Variants in UBXN4 observed in about 807,000 individuals in gnomAD.
UBXN4 encodes UBX domain-containing protein 4.
A neutral mutation model predicts 66.2 loss-of-function variants in UBXN4; 35 were observed. That is an observed-to-expected ratio of 0.53 (90% CI 0.40 to 0.70). The LOEUF (loss-of-function observed/expected upper bound fraction) is 0.70, where lower values mean the gene tolerates loss of function less well. Ranked by LOEUF, UBXN4 falls within the 30% of genes least tolerant of loss-of-function variation. The pLI is 0.00. For synonymous variants in UBXN4, 203 were observed against 204.5 expected (o/e 0.99, Z 0.06); for missense variants, 533 against 599.8 (o/e 0.89, Z 1.16).
At chr2:135,769,708 A>G (rs2105504466) in intron 6 of UBXN4, 61 bp from the exon 7 acceptor site, 1 of 1,243,692 alleles carries the variant, frequency 8.0e-7, no homozygotes, top group Non-Finnish European at 1.1e-6. Flanking sequence ...CATCTCCTAA[A>G]TGTGTTTTAT....
intron 1 of UBXN4, chr2:135,747,751 C>T: frequency 4.4e-6 from 2 of 453,334 alleles, no homozygotes; most frequent in Non-Finnish European, 8.9e-6. Flanking sequence ...TCTCCTGCCT[C>T]AGCCTCCTAT....
intron 5 of UBXN4, among the ~76,000 whole-genome samples, chr2:135,757,760 TCA>T (rs1307785087): frequency 6.6e-6 from 1 of 152,002 alleles, no homozygotes; most frequent in Non-Finnish European, 1.5e-5. Flanking sequence ...AGCTCTAATC[TCA>T]GTTTTTTTTT....
chr2:135,780,047 GAT>G (rs2077440304), intron 11 of UBXN4, 134 bp from the exon 12 acceptor site: 1 of 713,824 alleles, frequency 1.4e-6, no homozygotes, highest in Non-Finnish European at 2.3e-6. Context: ...AACAGCAAAA[GAT>G]ATCATTTTAC....
At chr2:135,776,504 T>G (rs2077415652) in intron 10 of UBXN4, among the ~76,000 whole-genome samples, 153 bp downstream of exon 10, 1 of 152,232 alleles carries the variant, frequency 6.6e-6, no homozygotes, top group Non-Finnish European at 1.5e-5. Flanking sequence ...GGAAATTCTG[T>G]CGGGTGTTAG....
intron 12 of UBXN4, 63 bp downstream of exon 12, chr2:135,780,448 T>C: frequency 6.5e-7 from 1 of 1,528,148 alleles, no homozygotes; most frequent in South Asian, 1.1e-5. Flanking sequence ...CTTTTTTAAG[T>C]AAAAAGTTGA....
rs2077377602 is a variant in UBXN4, at chr2:135,770,554, CTT to C, written c.658-13_658-12del. On this transcript the variant is annotated splice_polypyrimidine_tract_variant and intron_variant, in intron 7 of 12. Coordinates refer to ENST00000272638, the MANE Select transcript of UBXN4 (RefSeq NM_014607.4). ...ATTATCAAGTTTTTGGATCATAAAACTTTTTCTTTAATTCAGAGAGAAATTAA... is the reference window on the plus strand; with the variant it reads ...ATTATCAAGTTTTTGGATCATAAAACTTTCTTTAATTCAGAGAGAAATTAA... 2.1e-6 allele frequency: 3 copies of C among 1,417,856 alleles called. No individual in the cohort carries two copies. Among genetic ancestry groups the C allele is most frequent in the Non-Finnish European group, 2.8e-6 (3 of 1,075,218 alleles). 87.8% of individuals were successfully genotyped at this position (1,417,856 alleles called of 1,614,324 possible).
intron 3 of UBXN4, 50 bp downstream of exon 3, chr2:135,753,617 C>T (rs2077260361): frequency 2.2e-6 from 3 of 1,358,600 alleles, no homozygotes; most frequent in South Asian, 3.3e-5. Context: ...ATTTACCTTC[C>T]TTTTGGTTAA....
chr2:135,761,991 TA>T, intron 6 of UBXN4, 80 bp downstream of exon 6: 1 of 1,377,682 alleles, frequency 7.3e-7, no homozygotes, highest in Non-Finnish European at 1.0e-6. Context: ...GAATTAAAGC[TA>T]AAGTTATACA....
At position 135,784,584 on chromosome 2, in the gene UBXN4, C is replaced by G. The variant is rs2077471900; in HGVS notation, c.*1697C>G. 1 of 152,522 alleles carries G rather than the reference C, an allele frequency of 6.6e-6. No individual in the cohort carries two copies. The highest frequency in any genetic ancestry group is 1.5e-5 in the Non-Finnish European group (1 of 68,010). The allele number at this position is 152,522 out of a possible 1,614,324, so 9.4% of individuals were successfully genotyped here. ...TTCAGCAGTGATATTATTTCCATAA[C>G]TTAAAAAGTGAGTTTGAAAAAGAAA... On this transcript the variant is annotated 3_prime_UTR_variant, in exon 13 of 13. Coordinates refer to ENST00000272638, the MANE Select transcript of UBXN4 (RefSeq NM_014607.4).
At chr2:135,759,633 T>A in intron 5 of UBXN4, among the ~76,000 whole-genome samples, 1 of 152,184 alleles carries the variant, frequency 6.6e-6, no homozygotes, top group African/African-American at 2.4e-5. Context: ...TGTATATTTC[T>A]CTCAGGAGAT....
intron 11 of UBXN4, 69 bp from the exon 12 acceptor site, chr2:135,780,114 T>C (rs2077440547): frequency 6.7e-7 from 1 of 1,494,104 alleles, no homozygotes; most frequent in Non-Finnish European, 9.2e-7. Flanking sequence ...AAAAGTTTCA[T>C]CTGGAACCTT....
At chr2:135,775,200 T>C (rs1025306815) in intron 9 of UBXN4, among the ~76,000 whole-genome samples, 2 of 152,184 alleles carry the variant, frequency 1.3e-5, no homozygotes, top group African/African-American at 4.8e-5. Context: ...ACTGGTGGGA[T>C]TGTAAAATGA....
At chr2:135,769,191 A>T (rs536981079) in intron 6 of UBXN4, among the ~76,000 whole-genome samples, 2 of 152,180 alleles carry the variant, frequency 1.3e-5, no homozygotes, top group African/African-American at 4.8e-5. Flanking sequence ...CTGTAGAGAC[A>T]GAGTTTTGCC....
intron 10 of UBXN4, 98 bp from the exon 11 acceptor site, chr2:135,778,850 A>C: frequency 7.7e-7 from 1 of 1,303,992 alleles, no homozygotes; most frequent in South Asian, 2.0e-5. Flanking sequence ...TGAACTTTTA[A>C]AATTAAGGCA....
At chr2:135,766,153 CAAAAAA>C (rs111265108) in intron 6 of UBXN4, among the ~76,000 whole-genome samples, 1 of 121,320 alleles carries the variant, frequency 8.2e-6, no homozygotes, top group Non-Finnish European at 1.8e-5. Context: ...AAAGCCATCT[CAAAAAA>C]AAAAAAAAGT....
intron 6 of UBXN4, among the ~76,000 whole-genome samples, chr2:135,767,539 T>C (rs1460445414): frequency 6.6e-6 from 1 of 152,206 alleles, no homozygotes; most frequent in Non-Finnish European, 1.5e-5. Flanking sequence ...GTGTTTGATC[T>C]CCTTTGTTCA....
At chr2:135,778,234 C>T (rs1259101960) in intron 10 of UBXN4, among the ~76,000 whole-genome samples, 10 of 148,608 alleles carry the variant, frequency 6.7e-5, no homozygotes, top group African/African-American at 2.5e-4. Context: ...GTACAGTTAT[C>T]AAGTTTTGTA....
intron 1 of UBXN4, among the ~76,000 whole-genome samples, chr2:135,746,148 C>T (rs898108079): frequency 2.0e-5 from 3 of 152,000 alleles, no homozygotes; most frequent in African/African-American, 2.4e-5. Flanking sequence ...AGTGAGCCAC[C>T]GTGCCCGACC....
intron 1 of UBXN4, chr2:135,748,009 T>C: frequency 2.8e-6 from 1 of 352,098 alleles, no homozygotes; most frequent in Non-Finnish European, 5.2e-6. Context: ...ACTTTGCGCA[T>C]CATAATTTAG....
Sources: gnomAD v4.1 joint callset for allele counts (sites outside exome capture counted in the v4.1 genomes callset) on GRCh38, gnomAD v4.1.1 for gene constraint, MANE v1.5 for transcripts, NCBI Gene and HGNC (gene_info 2026-07-23, HGNC 2026-07-21) for gene names.